Variants in KLHL2 observed in about 807,000 individuals in gnomAD.
The protein encoded by KLHL2 is kelch-like protein 2.
In KLHL2, 15 loss-of-function variants were observed where a neutral mutation model predicts 75.8. The ratio of observed to expected loss-of-function variants is 0.20; its 90% confidence interval spans 0.13 to 0.30. The LOEUF (loss-of-function observed/expected upper bound fraction) is 0.30. KLHL2 is among the 10% of genes least tolerant of loss of function. The pLI is 1.00. For synonymous variants in KLHL2, 214 were observed against 251.9 expected (o/e 0.85, Z 1.42); for missense variants, 381 against 741.0 (o/e 0.51, Z 5.64).
chr4:165,314,383 A>G (rs1292520314), intron 13 of KLHL2, among the ~76,000 whole-genome samples: 2 of 152,178 alleles, frequency 1.3e-5, no homozygotes, highest in African/African-American at 4.8e-5. Context: ...TTGTTGTGAC[A>G]CTTCAGTAAA....
chr4:165,320,081 C>T (rs144906833), intron 14 of KLHL2, among the ~76,000 whole-genome samples: 19 of 152,084 alleles, frequency 1.2e-4, no homozygotes, highest in African/African-American at 4.1e-4. Flanking sequence ...AGATGAGCTC[C>T]CAGATGCCAT....
intron 1 of KLHL2, chr4:165,210,240 G>A: frequency 2.1e-6 from 3 of 1,462,276 alleles, no homozygotes; most frequent in Admixed American, 3.9e-5. Context: ...GTCTCTGCCT[G>A]GCACTGTGCG....
intron 4 of KLHL2, among the ~76,000 whole-genome samples, chr4:165,252,360 G>A (rs1390770251): frequency 2.6e-5 from 4 of 151,808 alleles, no homozygotes; most frequent in Non-Finnish European, 5.9e-5. Context: ...GTCTAGAGTT[G>A]TTAAATTATA....
chr4:165,279,757 A>T (rs1031744675), intron 5 of KLHL2: 1 of 807,876 alleles, frequency 1.2e-6, no homozygotes, highest in Non-Finnish European at 2.2e-6. Context: ...AGTCCGCTGA[A>T]CTAGCCTCAC....
At chr4:165,211,447 G>T (rs1737199604) in intron 1 of KLHL2, among the ~76,000 whole-genome samples, 1 of 152,192 alleles carries the variant, frequency 6.6e-6, no homozygotes, top group African/African-American at 2.4e-5. Context: ...TTTGCAGTCC[G>T]CTGGACCGGA....
intron 5 of KLHL2, chr4:165,277,921 T>G: frequency 2.2e-6 from 2 of 890,616 alleles, no homozygotes. Flanking sequence ...AAGAGACAAT[T>G]GCTGGGTTGT....
At chr4:165,264,743 T>TATAC (rs1742082498) in intron 5 of KLHL2, among the ~76,000 whole-genome samples, 2 of 61,738 alleles carry the variant, frequency 3.2e-5, no homozygotes, top group Admixed American at 1.7e-4. Context: ...TATATATGTA[T>TATAC]ATATATATAT....
chr4:165,281,365 G>T (rs1743667286), intron 5 of KLHL2, among the ~76,000 whole-genome samples: 1 of 149,548 alleles, frequency 6.7e-6, no homozygotes, highest in Non-Finnish European at 1.5e-5. Context: ...ACCCAGGCTG[G>T]AGTGCAGTGG....
At chr4:165,260,610 A>G (rs902701251) in intron 4 of KLHL2, among the ~76,000 whole-genome samples, 1 of 152,158 alleles carries the variant, frequency 6.6e-6, no homozygotes, top group Non-Finnish European at 1.5e-5. Flanking sequence ...TAATATACCA[A>G]CGACTAATTT....
At chr4:165,275,192 A>T (rs1299578279) in intron 5 of KLHL2, among the ~76,000 whole-genome samples, 1 of 151,942 alleles carries the variant, frequency 6.6e-6, no homozygotes, top group Non-Finnish European at 1.5e-5. Flanking sequence ...TAAAAATGAA[A>T]TTTTTCTCAG....
At chr4:165,249,553 A>G (rs1579039651) in intron 4 of KLHL2, among the ~76,000 whole-genome samples, 1 of 152,344 alleles carries the variant, frequency 6.6e-6, no homozygotes, top group East Asian at 1.9e-4. Flanking sequence ...TATTGATTAC[A>G]TACTGTGAAA....
chr4:165,274,048 G>A (rs935207874), intron 5 of KLHL2, among the ~76,000 whole-genome samples: 3 of 150,728 alleles, frequency 2.0e-5, no homozygotes, highest in African/African-American at 7.5e-5. Flanking sequence ...CACAGTGGCA[G>A]TAAAGTTAAT....
chr4:165,246,891 T>C (rs781141328), intron 4 of KLHL2, among the ~76,000 whole-genome samples: 1 of 152,102 alleles, frequency 6.6e-6, no homozygotes, highest in Non-Finnish European at 1.5e-5. Flanking sequence ...TAAGAGGTAG[T>C]GTAGACAGAG....
At chr4:165,253,278 A>G (rs1740889439) in intron 4 of KLHL2, among the ~76,000 whole-genome samples, 1 of 152,016 alleles carries the variant, frequency 6.6e-6, no homozygotes. Flanking sequence ...AGGTGATCCA[A>G]CCGCCTCGGC....
chr4:165,290,220 G>A (rs1281575214), intron 5 of KLHL2, among the ~76,000 whole-genome samples: 4 of 151,848 alleles, frequency 2.6e-5, no homozygotes, highest in Admixed American at 2.6e-4. Context: ...ATGGCTCACT[G>A]TAGCCTTGAC....
chr4:165,214,219 A>G (rs915503551), intron 1 of KLHL2, among the ~76,000 whole-genome samples: 7 of 152,176 alleles, frequency 4.6e-5, no homozygotes, highest in African/African-American at 1.4e-4. Flanking sequence ...AGTGATGGCA[A>G]TAGTAGGAAG....
chr4:165,264,740 GTATATATATA>G (rs1216985793), intron 5 of KLHL2, among the ~76,000 whole-genome samples: 1 of 75,748 alleles, frequency 1.3e-5, no homozygotes, highest in Middle Eastern at 7.5e-3. Flanking sequence ...ATATATATAT[GTATATATATA>G]TATATATATA....
Position 165,231,863 on chromosome 4 carries a change from C to T in KLHL2, c.259+2950C>T, listed in dbSNP as rs1284354666. Among the ~76,000 whole-genome samples the T allele has an allele frequency of 4.6e-5, 7 of 152,300 alleles. No individual in the cohort carries two copies. The South Asian group carries it at 1.2e-3, about 27-fold the overall frequency. On this transcript the variant is annotated intron_variant, in intron 3 of 14. Transcript: ENST00000226725. ...TTTCCAAAGTTACTGTACCATTTTA[C>T]ATTCCTACTAGCAATGTTTGAAACT...
intron 5 of KLHL2, among the ~76,000 whole-genome samples, chr4:165,264,947 T>C (rs1288344220): frequency 2.6e-5 from 4 of 151,416 alleles, no homozygotes; most frequent in African/African-American, 7.3e-5. Flanking sequence ...TTGAGGAATC[T>C]CCAGACTGTT....
Sources: allele counts gnomAD v4.1 joint callset (sites outside exome capture counted in the v4.1 genomes callset), GRCh38; gene constraint gnomAD v4.1.1; transcripts MANE v1.5; gene names NCBI Gene and HGNC (gene_info 2026-07-23, HGNC 2026-07-21).